MARK2: variants seen among roughly 807,000 people sequenced by gnomAD.
MARK2 encodes serine/threonine-protein kinase MARK2.
MARK2 carries 16 observed loss-of-function variants against 89.8 expected under a neutral mutation model. The ratio of observed to expected loss-of-function variants is 0.18; its 90% confidence interval spans 0.12 to 0.27. The LOEUF is 0.27. MARK2 is among the 10% of genes least tolerant of loss of function. The pLI is 1.00. For missense variants in MARK2, 621 were observed against 1,049.9 expected, an observed-to-expected ratio of 0.59 and a Z score of 5.65; for synonymous variants, 382 against 399.5, an observed-to-expected ratio of 0.96 and a Z score of 0.52.
chr11:63,846,715 G>T (rs1214123878), intron 1 of MARK2, among the ~76,000 whole-genome samples: 1 of 151,170 alleles, frequency 6.6e-6, no homozygotes, highest in Non-Finnish European at 1.5e-5. Flanking sequence ...GAGTGCAGTG[G>T]CACGATCTCG....
chr11:63,881,065 A>G (rs567240989), intron 1 of MARK2, among the ~76,000 whole-genome samples: 26 of 152,106 alleles, frequency 1.7e-4, no homozygotes, highest in African/African-American at 6.3e-4. Context: ...GCACTTTGGG[A>G]GGCCAAGGCA....
chr11:63,898,502 T>C, intron 4 of MARK2, 106 bp from the exon 5 acceptor site: 1 of 976,520 alleles, frequency 1.0e-6, no homozygotes, highest in Non-Finnish European at 1.6e-6. Flanking sequence ...TGGGGGATCA[T>C]GAAAGGAGGG....
At chr11:63,857,490 T>C (rs1316330917) in intron 1 of MARK2, among the ~76,000 whole-genome samples, 1 of 152,190 alleles carries the variant, frequency 6.6e-6, no homozygotes, top group Non-Finnish European at 1.5e-5. Context: ...TGTTTTTTGG[T>C]CAGCTGTTTT....
chr11:63,910,654 T>TTTTA lies in MARK2; in HGVS notation c.*1420_*1421insATTT, dbSNP rs1554990120. The TTTTA allele has an allele frequency of 1.4e-5, 2 of 144,834 alleles. No homozygotes were observed. Among genetic ancestry groups the TTTTA allele is most frequent in the East Asian group, 4.0e-4 (2 of 5,042 alleles). 9.0% of individuals were successfully genotyped at this position (144,834 alleles called of 1,614,324 possible). ...TTTATTTTTTATTATTTTATTTTAT[T>TTTTA]TTTTTTTTTTTTGATTTATGATGAC... On this transcript the variant is annotated 3_prime_UTR_variant, in exon 19 of 19. Transcript: ENST00000402010.
intron 1 of MARK2, chr11:63,869,291 A>T (rs964032481): frequency 6.7e-6 from 1 of 148,858 alleles, no homozygotes; most frequent in Admixed American, 6.8e-5. Context: ...CTCTTCATGG[A>T]TTACCTGCTC....
chr11:63,906,587 A>G (rs989358892), intron 17 of MARK2, among the ~76,000 whole-genome samples: 2 of 148,690 alleles, frequency 1.3e-5, no homozygotes, highest in African/African-American at 5.0e-5. Context: ...CTCCAGGGTT[A>G]CAAGTGCATC....
rs1940779545 is a variant in MARK2, at chr11:63,900,566, G to A, written c.776G>A (p.Arg259Gln). Residue 259 changes from arginine (R) to glutamine (Q), a missense_variant, in exon 9 of 19, where the codon CGG becomes CAG. Around this residue, in one of 5 missense-constraint regions of MARK2, gnomAD observed 82 missense variants for 287.7 expected, o/e 0.29. Coordinates refer to ENST00000402010, the MANE Select transcript of MARK2 (RefSeq NM_001039469.3). The surrounding 1 kb of genome is among the most constrained non-coding windows in gnomAD (Gnocchi z 4.7). The stretch of plus-strand genomic sequence containing the variant: ...CCCTGGATCCTCCTGCAGGAGCTGC[G>A]GGAACGGGTACTGAGGGGAAAATAC... Reference protein sequence around the residue: ...PFDGQNLKELRERVLRGKYRI... With the variant: ...PFDGQNLKELQERVLRGKYRI... 1.9e-6 allele frequency: 3 copies of A among 1,613,970 alleles called. No individual in the cohort carries two copies. Among genetic ancestry groups the A allele is most frequent in the Non-Finnish European group, 1.7e-6 (2 of 1,179,948 alleles).
intron 1 of MARK2, among the ~76,000 whole-genome samples, chr11:63,864,516 T>TC (rs1449014374): frequency 6.6e-6 from 1 of 152,050 alleles, no homozygotes; most frequent in Non-Finnish European, 1.5e-5. Flanking sequence ...TGCCTCAGCC[T>TC]CCCAGAGTGC....
chr11:63,863,361 C>T (rs1031362166), intron 1 of MARK2, among the ~76,000 whole-genome samples: 2 of 152,012 alleles, frequency 1.3e-5, no homozygotes, highest in African/African-American at 4.8e-5. Context: ...ATTTAATTTA[C>T]TTGCTTGTCT....
intron 1 of MARK2, among the ~76,000 whole-genome samples, chr11:63,857,318 CACCA>C (rs2016916006): frequency 6.6e-6 from 1 of 152,114 alleles, no homozygotes; most frequent in Non-Finnish European, 1.5e-5. Flanking sequence ...AGGCACTTGC[CACCA>C]AGTGATTTTT....
At chr11:63,876,297 G>A (rs935989499) in intron 1 of MARK2, among the ~76,000 whole-genome samples, 1 of 152,214 alleles carries the variant, frequency 6.6e-6, no homozygotes, top group Non-Finnish European at 1.5e-5. Flanking sequence ...GAGATACAGA[G>A]AATTCGTGAT....
intron 1 of MARK2, 134 bp downstream of exon 1, chr11:63,839,694 G>T (rs1020015672): frequency 3.1e-6 from 2 of 648,222 alleles, no homozygotes; most frequent in African/African-American, 3.9e-5. Flanking sequence ...TCCGGCTCCT[G>T]GCTCCGGCTC....
At chr11:63,872,956 T>C (rs1243167640) in intron 1 of MARK2, among the ~76,000 whole-genome samples, 1 of 124,140 alleles carries the variant, frequency 8.1e-6, no homozygotes, top group Non-Finnish European at 1.6e-5. Context: ...CGGGACTCAG[T>C]CCACCTCCCT....
At chr11:63,907,347 C>T (rs1679262812) in intron 17 of MARK2, among the ~76,000 whole-genome samples, 1 of 152,224 alleles carries the variant, frequency 6.6e-6, no homozygotes, top group Non-Finnish European at 1.5e-5. Flanking sequence ...AGGGTGCCTT[C>T]CTCGCACAGC....
At position 63,903,832 on chromosome 11, in the gene MARK2, C is replaced by A. The variant is rs1322866892; in HGVS notation, c.1515-154C>A. ...CTCCACTTCTCAGCCCCGCATTCCT[C>A]AGTTCTGACTTGCATCCCGCTGCTG... On this transcript the variant is annotated intron_variant, in intron 14 of 18. Transcript: ENST00000402010. The surrounding 1 kb of genome is among the most constrained non-coding windows in gnomAD (Gnocchi z 5.1). Among the ~76,000 whole-genome samples, 2 of 152,000 alleles carry A rather than the reference C, an allele frequency of 1.3e-5. No homozygotes were observed. Among genetic ancestry groups the A allele is most frequent in the Non-Finnish European group, 2.9e-5 (2 of 67,974 alleles).
chr11:63,886,326 G>C (rs140368827), intron 1 of MARK2, among the ~76,000 whole-genome samples: 1 of 152,192 alleles, frequency 6.6e-6, no homozygotes, highest in Non-Finnish European at 1.5e-5. Flanking sequence ...GTCTCACTCT[G>C]TTGCCCAGGC....
At chr11:63,908,331 C>G (rs942254744) in intron 18 of MARK2, 27 bp downstream of exon 18, 1 of 1,547,662 alleles carries the variant, frequency 6.5e-7, no homozygotes, top group Non-Finnish European at 8.7e-7. Context: ...CAGCACTGGC[C>G]CTGCCCGGGC....
chr11:63,897,306 G>T (rs559424549), intron 3 of MARK2, among the ~76,000 whole-genome samples: 1 of 152,290 alleles, frequency 6.6e-6, no homozygotes, highest in African/African-American at 2.4e-5. Context: ...AGGGAAAAAA[G>T]TAAGAAAAAC....
Position 63,867,852 on chromosome 11 carries a change from G to GA in MARK2, c.55-27298dup, listed in dbSNP as rs570695979. On this transcript the variant is annotated intron_variant, in intron 1 of 18. Transcript: ENST00000402010. ...ATCTCTCTTAGCCCACTGTTCCTCT[G>GA]AAAAAAAAACAAAAGCCATAGACAG... Among the ~76,000 whole-genome samples the GA allele has an allele frequency of 2.3e-3, 343 of 149,040 alleles. 6 individuals are homozygous for GA. The East Asian group carries it at 0.046, about 20-fold the overall frequency.
Sources: allele counts gnomAD v4.1 joint callset (sites outside exome capture counted in the v4.1 genomes callset), GRCh38; gene constraint gnomAD v4.1.1; regional missense constraint gnomAD v4.1.1; non-coding constraint Gnocchi (gnomAD v3.1); transcripts MANE v1.5; gene names NCBI Gene and HGNC (gene_info 2026-07-23, HGNC 2026-07-21).